The following BABAM2 variants were observed in gnomAD, a reference collection of about 807,000 sequenced individuals.
BABAM2 encodes the protein BRISC and BRCA1-A complex member 2.
BABAM2 carries 31 observed loss-of-function variants against 54.7 expected under a neutral mutation model. The observed-to-expected ratio is 0.57, with a 90% CI of 0.43 to 0.77. The LOEUF (loss-of-function observed/expected upper bound fraction) is 0.77. BABAM2 is among the 30% of genes least tolerant of loss of function. BABAM2 has a pLI of 0.00. For missense variants in BABAM2, 364 were observed against 455.8 expected (o/e 0.80, Z 1.83); for synonymous variants, 167 against 162.9 (o/e 1.03, Z -0.19).
intron 11 of BABAM2, among the ~76,000 whole-genome samples, chr2:28,321,056 C>A (rs1445608749): frequency 2.0e-5 from 3 of 152,176 alleles, no homozygotes; most frequent in African/African-American, 7.2e-5. Context: ...CCCAGGAGGT[C>A]CAGGCCCTTG....
intron 11 of BABAM2, among the ~76,000 whole-genome samples, chr2:28,318,496 G>C (rs1689757440): frequency 6.6e-6 from 1 of 152,128 alleles, no homozygotes; most frequent in Admixed American, 6.5e-5. Context: ...ATAATCTCTA[G>C]GGTTTTCAAA....
chr2:28,133,295 G>A (rs991866682), intron 7 of BABAM2, among the ~76,000 whole-genome samples: 12 of 152,166 alleles, frequency 7.9e-5, no homozygotes, highest in Admixed American at 5.2e-4. Context: ...TATTTTCTGT[G>A]TTTTATACTA....
At chr2:27,891,789 A>G (rs1664872410) in intron 1 of BABAM2, among the ~76,000 whole-genome samples, 1 of 148,494 alleles carries the variant, frequency 6.7e-6, no homozygotes, top group South Asian at 2.1e-4. Flanking sequence ...AAAACATAGT[A>G]TTATGGCTGC....
At chr2:28,046,638 C>T (rs1475702906) in intron 6 of BABAM2, among the ~76,000 whole-genome samples, 1 of 152,028 alleles carries the variant, frequency 6.6e-6, no homozygotes, top group African/African-American at 2.4e-5. Flanking sequence ...AGAGAAAAGA[C>T]AGAATCTTTG....
intron 6 of BABAM2, among the ~76,000 whole-genome samples, chr2:28,124,004 G>A (rs920650436): frequency 4.6e-5 from 7 of 152,142 alleles, no homozygotes; most frequent in Non-Finnish European, 1.0e-4. Flanking sequence ...ATTACCCATA[G>A]GCATATGGAA....
At chr2:28,239,042 G>GT (rs1279835609) in intron 8 of BABAM2, among the ~76,000 whole-genome samples, 5 of 152,112 alleles carry the variant, frequency 3.3e-5, no homozygotes, top group Non-Finnish European at 7.4e-5. Flanking sequence ...TTTATAGCCA[G>GT]TTTTGTTGTG....
intron 11 of BABAM2, 43 bp from the exon 12 acceptor site, chr2:28,338,407 T>G (rs1691654756): frequency 1.3e-6 from 2 of 1,554,322 alleles, no homozygotes; most frequent in Admixed American, 3.3e-5. Context: ...TTCAAGTTGT[T>G]TGTGCTAACC....
intron 7 of BABAM2, among the ~76,000 whole-genome samples, chr2:28,177,706 CAA>C (rs59807955): frequency 0.015 from 2,002 of 133,100 alleles, 27 homozygotes; most frequent in South Asian, 0.054. Flanking sequence ...GCTGAATGGA[CAA>C]AAAAAAAAAA....
chr2:28,209,732 T>C (rs1679249108), intron 7 of BABAM2, among the ~76,000 whole-genome samples: 1 of 152,192 alleles, frequency 6.6e-6, no homozygotes, highest in Non-Finnish European at 1.5e-5. Flanking sequence ...ATATTTGGCC[T>C]GCAGTTAGTT....
At chr2:28,143,962 TA>T (rs1305347468) in intron 7 of BABAM2, among the ~76,000 whole-genome samples, 2 of 152,214 alleles carry the variant, frequency 1.3e-5, no homozygotes, top group Non-Finnish European at 2.9e-5. Flanking sequence ...CCCATCATGA[TA>T]AAGTCTTTAG....
At chr2:28,004,912 T>G (rs1673849744) in intron 4 of BABAM2, among the ~76,000 whole-genome samples, 1 of 152,196 alleles carries the variant, frequency 6.6e-6, no homozygotes, top group Non-Finnish European at 1.5e-5. Context: ...TAACATGAAC[T>G]TTAGCCTAGT....
At chr2:27,972,666 A>T (rs1034426567) in intron 3 of BABAM2, among the ~76,000 whole-genome samples, 2 of 152,086 alleles carry the variant, frequency 1.3e-5, no homozygotes, top group Non-Finnish European at 2.9e-5. Context: ...TATCTCACTG[A>T]TAACTTTTAT....
intron 7 of BABAM2, among the ~76,000 whole-genome samples, chr2:28,150,245 A>T (rs971732631): frequency 3.9e-5 from 6 of 152,338 alleles, no homozygotes; most frequent in African/African-American, 1.4e-4. Context: ...GCTACCCTGC[A>T]AGTGAAAAGT....
At chr2:28,057,942 G>A (rs1184921107) in intron 6 of BABAM2, among the ~76,000 whole-genome samples, 1 of 152,026 alleles carries the variant, frequency 6.6e-6, no homozygotes, top group Non-Finnish European at 1.5e-5. Context: ...AAGAGATCGA[G>A]ACCATCCTGG....
At chr2:28,241,731 G>A (rs1682453212) in intron 9 of BABAM2, among the ~76,000 whole-genome samples, 1 of 152,080 alleles carries the variant, frequency 6.6e-6, no homozygotes, top group Non-Finnish European at 1.5e-5. Flanking sequence ...CTGACCTTGT[G>A]ATCCGCCCAC....
At chr2:28,244,066 G>A (rs1000434852) in intron 9 of BABAM2, among the ~76,000 whole-genome samples, 6 of 152,142 alleles carry the variant, frequency 3.9e-5, no homozygotes, top group African/African-American at 9.7e-5. Context: ...ACAGAATTGC[G>A]CCTTGGCCCA....
intron 7 of BABAM2, among the ~76,000 whole-genome samples, chr2:28,185,914 G>A (rs1057283994): frequency 6.6e-6 from 1 of 152,088 alleles, no homozygotes; most frequent in Admixed American, 6.5e-5. Context: ...TTAAAATGTG[G>A]CAGTTTAAAA....
rs1420920878 is a variant in BABAM2 at position 28,212,850 on chromosome 2, T to C, written c.681-24352T>C. Among the ~76,000 whole-genome samples, 23 of 6,246 alleles carry C rather than the reference T, an allele frequency of 3.7e-3. No individual in the cohort carries two copies. In the Admixed American group the frequency reaches 0.064, roughly 17 times the overall value. 4.1% of individuals were successfully genotyped at this position (6,246 alleles called of 152,430 possible). ...ACTGTGTTCCTGAAATCATAAAATC[T>C]TACTGAGGGTAATTCTTAGATCTTT... On this transcript the variant is annotated intron_variant, in intron 7 of 11. Transcript: ENST00000379624.
At chr2:28,025,043 G>T (rs1675546355) in intron 4 of BABAM2, among the ~76,000 whole-genome samples, 183 bp from the exon 5 acceptor site, 1 of 152,160 alleles carries the variant, frequency 6.6e-6, no homozygotes, top group Admixed American at 6.5e-5. Flanking sequence ...TTAGAAGGCA[G>T]GAGAAATTGC....
Sources: allele counts gnomAD v4.1 joint callset (sites outside exome capture counted in the v4.1 genomes callset), GRCh38; gene constraint gnomAD v4.1.1; transcripts MANE v1.5; gene names NCBI Gene and HGNC (gene_info 2026-07-23, HGNC 2026-07-21).